BANP: variants seen among roughly 807,000 people sequenced by gnomAD.
BANP encodes the protein BTG3 associated nuclear protein.
A neutral mutation model predicts 68.1 loss-of-function variants in BANP; 11 were observed. The observed-to-expected ratio is 0.16, with a 90% confidence interval of 0.10 to 0.27. The LOEUF is 0.27. BANP is among the 10% of genes least tolerant of loss of function. BANP has a pLI of 1.00. For synonymous variants in BANP, 329 were observed against 303.2 expected, an observed-to-expected ratio of 1.09 and a Z score of -0.88; for missense variants, 504 against 722.7, an observed-to-expected ratio of 0.70 and a Z score of 3.47.
At chr16:87,972,412 CAG>C (rs2061290652) in intron 1 of BANP, among the ~76,000 whole-genome samples, 1 of 151,400 alleles carries the variant, frequency 6.6e-6, no homozygotes, top group South Asian at 2.1e-4. Flanking sequence ...TTTGAATTAT[CAG>C]GGTATAGTTT....
At chr16:88,021,998 G>A (rs1392121418) in intron 7 of BANP, among the ~76,000 whole-genome samples, 1 of 152,080 alleles carries the variant, frequency 6.6e-6, no homozygotes. Flanking sequence ...ATTGAAAGAG[G>A]GAGAGAGAGA....
At chr16:88,047,007 A>C (rs111329074) in intron 11 of BANP, among the ~76,000 whole-genome samples, 4 of 151,960 alleles carry the variant, frequency 2.6e-5, no homozygotes, top group Non-Finnish European at 5.9e-5. Flanking sequence ...TGGAGCTTGC[A>C]GTGAGCCAAG....
At chr16:88,006,326 T>G (rs1445042579) in intron 6 of BANP, 61 bp downstream of exon 6, 2 of 1,513,928 alleles carry the variant, frequency 1.3e-6, no homozygotes, top group Non-Finnish European at 8.8e-7. Context: ...TTGTTTTGCC[T>G]TTTAGAAATT....
In BANP at chr16:88,071,989, G is replaced by T; in HGVS notation, c.1378-80G>T. On this transcript the variant is annotated intron_variant, in intron 12 of 13. Coordinates refer to ENST00000682872, the MANE Select transcript of BANP (RefSeq NM_001386991.1). The surrounding 1 kb of genome is among the most constrained non-coding windows in gnomAD (Gnocchi z 6.5). ...GGACAGCACGTGTGGGCTGGGGTCT[G>T]CGGTCTGTGGAGCCATGTGGGTTGT... 6.6e-7 allele frequency: 1 copy of T among 1,524,926 alleles called. No individual in the cohort carries two copies. The highest frequency in any genetic ancestry group is 8.8e-7 in the Non-Finnish European group (1 of 1,137,134). 94.5% of individuals were successfully genotyped at this position (1,524,926 alleles called of 1,614,324 possible).
chr16:88,054,044 C>CCAT, intron 11 of BANP, among the ~76,000 whole-genome samples: 1 of 91,378 alleles, frequency 1.1e-5, no homozygotes, highest in African/African-American at 3.3e-5. Context: ...ACTGTCATCT[C>CCAT]CATCATCATC....
intron 7 of BANP, among the ~76,000 whole-genome samples, chr16:88,019,557 CA>C (rs1432670406): frequency 1.2e-5 from 1 of 86,866 alleles, no homozygotes; most frequent in Non-Finnish European, 2.4e-5. Flanking sequence ...TCCGGGATCT[CA>C]GCGTGCGGGG....
intron 13 of BANP, among the ~76,000 whole-genome samples, chr16:88,073,748 T>C (rs1402182175): frequency 1.3e-5 from 2 of 152,178 alleles, no homozygotes; most frequent in South Asian, 2.1e-4. Context: ...AAACTAGATG[T>C]GGGGGCCATG....
chr16:87,953,807 T>C (rs1310511461), intron 1 of BANP, among the ~76,000 whole-genome samples: 2 of 152,214 alleles, frequency 1.3e-5, no homozygotes, highest in East Asian at 1.9e-4. Flanking sequence ...ATGGGTTAGC[T>C]TGCACACGAG....
In BANP at chr16:88,059,643, C is replaced by T. The variant is rs138317582; in HGVS notation, c.1312-5624C>T. 4.0e-3 allele frequency among the ~76,000 whole-genome samples: 612 copies of T among 152,240 alleles called. 5 individuals carry two copies. Among genetic ancestry groups the T allele is most frequent in the Middle Eastern group, 0.017 (5 of 294 alleles). On this transcript the variant is annotated intron_variant, in intron 11 of 13. Transcript: ENST00000682872. ...TGCAGGCATGTGCTGAGCCCTGGCT[C>T]AGCACCACAGATGAAGCTTTTTGCA...
At chr16:88,054,611 C>T (rs1249040545) in intron 11 of BANP, among the ~76,000 whole-genome samples, 3 of 152,214 alleles carry the variant, frequency 2.0e-5, no homozygotes, top group African/African-American at 4.8e-5. Context: ...GCACCAGCAC[C>T]GTCAAGGGGT....
chr16:87,989,064 T>A (rs1487812683), intron 4 of BANP, among the ~76,000 whole-genome samples: 1 of 152,094 alleles, frequency 6.6e-6, no homozygotes, highest in African/African-American at 2.4e-5. Flanking sequence ...GGTTTTTGGG[T>A]TCTACACCTG....
intron 4 of BANP, among the ~76,000 whole-genome samples, chr16:87,990,201 A>G (rs2065571024): frequency 2.6e-5 from 4 of 152,242 alleles, no homozygotes; most frequent in African/African-American, 9.6e-5. Flanking sequence ...TTAAAGTCAT[A>G]GATGTTTATC....
At position 87,989,377 on chromosome 16, in the gene BANP, C is replaced by T. The variant is rs187694323; in HGVS notation, c.362+5118C>T. ...CCTTTGAATGCTAGTGTGGACAGTTCGGTTGGTGCATTCGTTATGTCACAT... is the reference window on the plus strand; with the variant it reads ...CCTTTGAATGCTAGTGTGGACAGTTTGGTTGGTGCATTCGTTATGTCACAT... On this transcript the variant is annotated intron_variant, in intron 4 of 13. Coordinates refer to ENST00000682872, the MANE Select transcript of BANP (RefSeq NM_001386991.1). 8.7e-4 allele frequency among the ~76,000 whole-genome samples: 132 copies of T among 152,328 alleles called. 1 individual carries two copies. Among genetic ancestry groups the T allele is most frequent in the African/African-American group, 3.0e-3 (124 of 41,578 alleles).
At chr16:87,986,725 C>T (rs1378967801) in intron 4 of BANP, among the ~76,000 whole-genome samples, 1 of 152,142 alleles carries the variant, frequency 6.6e-6, no homozygotes, top group Non-Finnish European at 1.5e-5. Context: ...CTGCTGGGGG[C>T]AAATGATATC....
chr16:87,994,225 G>A (rs2066622996), intron 4 of BANP, among the ~76,000 whole-genome samples: 1 of 152,246 alleles, frequency 6.6e-6, no homozygotes, highest in African/African-American at 2.4e-5. Flanking sequence ...GACTTCTGTG[G>A]AGTCAGTCCT....
At chr16:87,985,580 A>AG (rs1195622263) in intron 4 of BANP, among the ~76,000 whole-genome samples, 1 of 152,246 alleles carries the variant, frequency 6.6e-6, no homozygotes. Context: ...TCAAAAAAAA[A>AG]GAAAATGTAA....
intron 6 of BANP, among the ~76,000 whole-genome samples, chr16:88,010,796 C>T (rs7500692): frequency 6.6e-6 from 1 of 152,244 alleles, no homozygotes; most frequent in Non-Finnish European, 1.5e-5. Context: ...TCACACACCT[C>T]GCAGTCCATG....
At chr16:87,998,889 C>T (rs1377398485) in intron 4 of BANP, among the ~76,000 whole-genome samples, 1 of 112,816 alleles carries the variant, frequency 8.9e-6, no homozygotes, top group East Asian at 2.9e-4. Context: ...CGCACGTGCG[C>T]GGCTGTACTT....
At chr16:88,063,869 C>T (rs1468771152) in intron 11 of BANP, among the ~76,000 whole-genome samples, 1 of 152,086 alleles carries the variant, frequency 6.6e-6, no homozygotes, top group Non-Finnish European at 1.5e-5. Context: ...GGTAGGCATA[C>T]CCAAGTGGTG....
Sources: allele counts gnomAD v4.1 joint callset (sites outside exome capture counted in the v4.1 genomes callset), GRCh38; gene constraint gnomAD v4.1.1; non-coding constraint Gnocchi (gnomAD v3.1); transcripts MANE v1.5; gene names NCBI Gene and HGNC (gene_info 2026-07-23, HGNC 2026-07-21).